The following NUCB1 variants were observed in gnomAD, a reference collection of about 807,000 sequenced individuals.
NUCB1 encodes nucleobindin-1.
A neutral mutation model predicts 61.2 loss-of-function variants in NUCB1; 47 were observed. The observed-to-expected ratio is 0.77, with a 90% CI of 0.61 to 0.98. The LOEUF (loss-of-function observed/expected upper bound fraction) is 0.98. NUCB1 is among the 50% of genes least tolerant of loss of function. The pLI is 0.00. For synonymous variants in NUCB1, 234 were observed against 243.1 expected (o/e 0.96, Z 0.35); for missense variants, 583 against 605.3 (o/e 0.96, Z 0.39).
intron 7 of NUCB1, among the ~76,000 whole-genome samples, chr19:48,914,142 A>G (rs1023457837): frequency 8.6e-5 from 13 of 151,648 alleles, no homozygotes; most frequent in African/African-American, 1.5e-4. Flanking sequence ...TGCCCGGCTA[A>G]CTTTTGTATT....
chr19:48,914,120 C>T (rs1295379216), intron 7 of NUCB1, among the ~76,000 whole-genome samples: 1 of 151,938 alleles, frequency 6.6e-6, no homozygotes, highest in Non-Finnish European at 1.5e-5. Context: ...GGATTACAGG[C>T]ATGCACCACC....
At chr19:48,902,421 T>A (rs10426469) in intron 2 of NUCB1, among the ~76,000 whole-genome samples, 1 of 53,352 alleles carries the variant, frequency 1.9e-5, no homozygotes, top group Non-Finnish European at 3.1e-5. Context: ...TTCCTTTTTC[T>A]TTTTTTTTTT....
chr19:48,909,395 G>A (rs753129600), intron 4 of NUCB1, among the ~76,000 whole-genome samples: 1 of 151,342 alleles, frequency 6.6e-6, no homozygotes, highest in Non-Finnish European at 1.5e-5. Flanking sequence ...TTACAAGCAC[G>A]CGCCACCACG....
rs183708285 is a variant in NUCB1 at position 48,921,020 on chromosome 19, G to A, written c.1003-134G>A. ...TTTATCCCACTCCCACCTCCCACTT[G>A]GGCTTCTTTGCCCACCCACATGGCC... On this transcript the variant is annotated intron_variant, in intron 10 of 12. Transcript: ENST00000405315. 4.3e-3 allele frequency: 3,699 copies of A among 858,870 alleles called. 20 individuals carry two copies. The highest frequency in any genetic ancestry group is 4.4e-3 in the Non-Finnish European group (2,526 of 568,068). 53.2% of individuals were successfully genotyped at this position (858,870 alleles called of 1,614,324 possible). A position where few individuals can be genotyped will look rare whatever the true frequency, so the allele number is the denominator to read the frequency against.
chr19:48,921,388 G>A, intron 11 of NUCB1, 64 bp downstream of exon 11: 1 of 1,528,912 alleles, frequency 6.5e-7, no homozygotes, highest in Non-Finnish European at 8.9e-7. Context: ...GTGTCCCCAT[G>A]GGTGTCCAGA....
chr19:48,906,401 C>T (rs1374699831), intron 4 of NUCB1, among the ~76,000 whole-genome samples: 1 of 115,924 alleles, frequency 8.6e-6, no homozygotes, highest in African/African-American at 4.8e-5. Context: ...GAAACTCTGA[C>T]TCAAAAAAAA....
At chr19:48,909,772 G>A (rs1600057411) in intron 4 of NUCB1, among the ~76,000 whole-genome samples, 3 of 151,912 alleles carry the variant, frequency 2.0e-5, no homozygotes, top group Admixed American at 2.0e-4. Flanking sequence ...GAATGCCTGA[G>A]CCCAAGTGAT....
intron 2 of NUCB1, 59 bp from the exon 3 acceptor site, chr19:48,904,288 A>G: frequency 8.9e-7 from 1 of 1,126,142 alleles, no homozygotes; most frequent in Non-Finnish European, 1.4e-6. Context: ...CAGTAACAGG[A>G]GTGAGGGTGG....
intron 6 of NUCB1, 92 bp downstream of exon 6, chr19:48,913,288 C>G (rs1231589484): frequency 9.1e-6 from 12 of 1,321,796 alleles, no homozygotes; most frequent in Non-Finnish European, 1.2e-5. Context: ...TTCCCAGGGG[C>G]CCTTGAGGCA....
intron 4 of NUCB1, among the ~76,000 whole-genome samples, chr19:48,906,328 C>T (rs890878046): frequency 6.8e-6 from 1 of 148,126 alleles, no homozygotes; most frequent in Non-Finnish European, 1.5e-5. Context: ...TGGTTGAACC[C>T]GGGAGGCGGA....
chr19:48,911,392 T>G (rs2037470710), intron 5 of NUCB1, 140 bp downstream of exon 5: 1 of 405,082 alleles, frequency 2.5e-6, no homozygotes, highest in Admixed American at 4.9e-5. Context: ...GGCTGAGTCG[T>G]TTCTTTTCTT....
chr19:48,918,729 T>C lies in NUCB1; in HGVS notation c.761T>C (p.Ile254Thr), dbSNP rs746336953. The change falls in exon 8 of 13, where the codon ATC (isoleucine) becomes ACC (threonine). Residue 254 changes from isoleucine (I) to threonine (T), a missense_variant. By Grantham distance (89) the Ile-to-Thr change is moderately conservative. Coordinates refer to ENST00000405315, the MANE Select transcript of NUCB1 (RefSeq NM_006184.6). Reference sequence around the variant, plus strand: ...CTTGCTATCCTCTTCCCTTCAGATATCAACAGTGATGGTGTCCTGGATGAG... The same window carrying C: ...CTTGCTATCCTCTTCCCTTCAGATACCAACAGTGATGGTGTCCTGGATGAG... The part of the protein sequence containing the change: ...NPKTFFILHD[I>T]NSDGVLDEQE... 1 of 1,613,256 alleles carries C rather than the reference T, an allele frequency of 6.2e-7. No individual in the cohort carries two copies. Among genetic ancestry groups the C allele is most frequent in the Non-Finnish European group, 8.5e-7 (1 of 1,179,198 alleles).
chr19:48,901,004 G>C (rs2037348683), intron 2 of NUCB1, 73 bp downstream of exon 2: 2 of 1,570,128 alleles, frequency 1.3e-6, no homozygotes, highest in African/African-American at 2.7e-5. Flanking sequence ...CCCGGTGCCC[G>C]TAGGGCGGAT....
chr19:48,903,146 C>A (rs1422892972), intron 2 of NUCB1, among the ~76,000 whole-genome samples: 1 of 151,904 alleles, frequency 6.6e-6, no homozygotes, highest in Non-Finnish European at 1.5e-5. Flanking sequence ...TTTTTTCCAA[C>A]TTATCTTATT....
intron 7 of NUCB1, among the ~76,000 whole-genome samples, chr19:48,917,426 T>C (rs902544695): frequency 3.3e-5 from 5 of 150,948 alleles, no homozygotes; most frequent in African/African-American, 1.2e-4. Flanking sequence ...TGGGCTCAAG[T>C]GATTCTTCCA....
In NUCB1 at chr19:48,921,147, C is replaced by T. The variant is rs775896407; in HGVS notation, c.1003-7C>T. 23 of 1,601,830 alleles carry T rather than the reference C, an allele frequency of 1.4e-5. No individual in the cohort carries two copies. The East Asian group carries it at 4.3e-4, about 30-fold the overall frequency. On this transcript the variant is annotated splice_region_variant and splice_polypyrimidine_tract_variant and intron_variant, in intron 10 of 12. Transcript: ENST00000405315. ...TGCCCCTGATGGCCCCTGTGCCTGC[C>T]CTGCAGACAGTGGAGATGCACCCTG...
intron 4 of NUCB1, among the ~76,000 whole-genome samples, chr19:48,909,613 C>T (rs1309284410): frequency 6.6e-6 from 1 of 152,128 alleles, no homozygotes; most frequent in Non-Finnish European, 1.5e-5. Context: ...GCGATCTCGG[C>T]TCACTGCATC....
chr19:48,919,425 T>A (rs2037581391), intron 10 of NUCB1, 139 bp downstream of exon 10: 2 of 551,266 alleles, frequency 3.6e-6, no homozygotes, highest in Admixed American at 3.1e-5. Context: ...TATCTCTGGG[T>A]CTCTGTTTTC....
chr19:48,919,452 C>CTTATTTATGTAT (rs2037582043), intron 10 of NUCB1, among the ~76,000 whole-genome samples, 166 bp downstream of exon 10: 1 of 141,854 alleles, frequency 7.0e-6, no homozygotes, highest in Non-Finnish European at 1.5e-5. Context: ...CTCTAGGACT[C>CTTATTTATGTAT]TTATTTATTT....
Sources: gnomAD v4.1 joint callset for allele counts (sites outside exome capture counted in the v4.1 genomes callset) on GRCh38, gnomAD v4.1.1 for gene constraint, MANE v1.5 for transcripts, NCBI Gene and HGNC (gene_info 2026-07-23, HGNC 2026-07-21) for gene names.